WFDC2: variants seen among roughly 807,000 people sequenced by gnomAD.
WFDC2 encodes the protein WAP four-disulfide core domain protein 2.
A neutral mutation model predicts 12.5 loss-of-function variants in WFDC2; 8 were observed. The ratio of observed to expected loss-of-function variants is 0.64; its 90% CI spans 0.37 to 1.15. WFDC2 has a LOEUF of 1.15. Among genes scored for constraint, WFDC2 ranks in the 50% most tolerant of loss-of-function variants. The pLI is 0.01. For missense variants in WFDC2, 166 were observed against 159.9 expected, an observed-to-expected ratio of 1.04 and a Z score of -0.21; for synonymous variants, 74 against 67.2, an observed-to-expected ratio of 1.10 and a Z score of -0.49.
intron 2 of WFDC2, among the ~76,000 whole-genome samples, chr20:45,472,277 C>A (rs1236983532): frequency 6.6e-6 from 1 of 152,158 alleles, no homozygotes; most frequent in Non-Finnish European, 1.5e-5. Flanking sequence ...TAATTCCCAA[C>A]CCCCCGACAG....
At position 45,470,203 on chromosome 20, in the gene WFDC2, G is replaced by A. The variant is rs551921908; in HGVS notation, c.80-186G>A. On this transcript the variant is annotated intron_variant, in intron 1 of 3. Coordinates refer to ENST00000372676, the MANE Select transcript of WFDC2 (RefSeq NM_006103.4). The surrounding 1 kb of genome is among the most constrained non-coding windows in gnomAD (Gnocchi z 5.4). ...TGAGGGCCCCGACGCCAAGGGTTAG[G>A]GAGCTCTCGTACTCCCAGGGGTCAG... 1.2e-4 allele frequency among the ~76,000 whole-genome samples: 19 copies of A among 152,232 alleles called. No individual in the cohort carries two copies. The highest frequency in any genetic ancestry group is 4.3e-4 in the African/African-American group (18 of 41,544).
At chr20:45,472,167 G>A (rs770926590) in intron 2 of WFDC2, among the ~76,000 whole-genome samples, 1 of 152,048 alleles carries the variant, frequency 6.6e-6, no homozygotes, top group Non-Finnish European at 1.5e-5. Context: ...CGTGCAGAAC[G>A]TGCAGGTTTG....
Position 45,470,280 on chromosome 20 carries a change from G to A in WFDC2, c.80-109G>A, listed in dbSNP as rs1991150183. On this transcript the variant is annotated intron_variant, in intron 1 of 3. Transcript: ENST00000372676. The surrounding 1 kb of genome is among the most constrained non-coding windows in gnomAD (Gnocchi z 5.4). ...TCTGGGGGCTGTAAGGGGACTCCTA[G>A]GGCCAGAGACTGAGAATTCCTTGGG... is the stretch of plus-strand genomic sequence containing the variant. 7.0e-7 allele frequency: 1 copy of A among 1,431,962 alleles called. No homozygotes were observed. Among genetic ancestry groups the A allele is most frequent in the African/African-American group, 1.4e-5 (1 of 70,176 alleles). The allele number at this position is 1,431,962 out of a possible 1,614,324, so 88.7% of individuals were successfully genotyped here.
chr20:45,480,285 G>A (rs534630585), intron 3 of WFDC2, among the ~76,000 whole-genome samples, 191 bp downstream of exon 3: 2 of 152,140 alleles, frequency 1.3e-5, no homozygotes, highest in Admixed American at 6.5e-5. Flanking sequence ...GCATTGGGGA[G>A]GCTGTCTCAG....
In WFDC2 at chr20:45,470,542, C is replaced by T. The variant is rs760683214; in HGVS notation, c.223+10C>T. 6.1e-5 allele frequency: 97 copies of T among 1,584,834 alleles called. 1 individual carries two copies. In the East Asian group the frequency reaches 2.1e-3, roughly 35 times the overall value. On this transcript the variant is annotated intron_variant, in intron 2 of 3. Transcript: ENST00000372676. The surrounding 1 kb of genome is among the most constrained non-coding windows in gnomAD (Gnocchi z 5.4). ...TGCTCTCTGCCCAATGGTAACCCCACGGCGGCCGAGCGGGAACGGGGCGGG... is the reference window on the plus strand; with the variant it reads ...TGCTCTCTGCCCAATGGTAACCCCATGGCGGCCGAGCGGGAACGGGGCGGG...
intron 2 of WFDC2, among the ~76,000 whole-genome samples, chr20:45,477,878 G>C (rs1461570360): frequency 6.6e-6 from 1 of 152,230 alleles, no homozygotes; most frequent in Non-Finnish European, 1.5e-5. Context: ...GGAATCTAGA[G>C]AGGCAGTCTG....
chr20:45,470,009 G>A lies in WFDC2; in HGVS notation c.79+149G>A, dbSNP rs559914507. On this transcript the variant is annotated intron_variant, in intron 1 of 3. Transcript: ENST00000372676. The surrounding 1 kb of genome is among the most constrained non-coding windows in gnomAD (Gnocchi z 5.4). ...GGGACCCTTGGAGCCTAGGGTGTGG[G>A]GTCCAATGTGCTGGAGGTGGAGAGA... 5 of 995,916 alleles carry A rather than the reference G, an allele frequency of 5.0e-6. No homozygotes were observed. In the South Asian group the frequency reaches 6.6e-5, roughly 13 times the overall value. 61.7% of individuals were successfully genotyped at this position (995,916 alleles called of 1,614,324 possible).
At chr20:45,479,649 C>A in intron 2 of WFDC2, 1 of 1,606,262 alleles carries the variant, frequency 6.2e-7, no homozygotes, top group African/African-American at 1.3e-5. Context: ...TAGCACTGTT[C>A]CACTGGCACC....
intron 1 of WFDC2, 46 bp downstream of exon 1, chr20:45,469,906 C>G: frequency 6.4e-7 from 1 of 1,569,276 alleles, no homozygotes; most frequent in Non-Finnish European, 8.6e-7. Flanking sequence ...GGCCGAGCCA[C>G]GAGCGCCAGG....
chr20:45,470,995 T>A lies in WFDC2; in HGVS notation c.223+463T>A, dbSNP rs1991164972. Among the ~76,000 whole-genome samples the A allele has an allele frequency of 6.6e-6, 1 of 152,150 alleles. No individual in the cohort carries two copies. Among genetic ancestry groups the A allele is most frequent in the African/African-American group, 2.4e-5 (1 of 41,438 alleles). On this transcript the variant is annotated intron_variant, in intron 2 of 3. Coordinates refer to ENST00000372676, the MANE Select transcript of WFDC2 (RefSeq NM_006103.4). The surrounding 1 kb of genome is among the most constrained non-coding windows in gnomAD (Gnocchi z 5.4). ...GGCAAGATTTTCCCCAATTCCTCTGTCCAGGCGGAAAGGAACTTTACAGAT... is the reference window on the plus strand; with the variant it reads ...GGCAAGATTTTCCCCAATTCCTCTGACCAGGCGGAAAGGAACTTTACAGAT...
intron 2 of WFDC2, among the ~76,000 whole-genome samples, chr20:45,473,377 G>A (rs1991196170): frequency 6.6e-6 from 1 of 152,090 alleles, no homozygotes; most frequent in Non-Finnish European, 1.5e-5. Flanking sequence ...AAGGAAAGGG[G>A]TCCAGTTTCA....
Position 45,479,017 on chromosome 20 carries a change from G to A in WFDC2, c.224-925G>A, listed in dbSNP as rs553213971. On this transcript the variant is annotated intron_variant, in intron 2 of 3. Coordinates refer to ENST00000372676, the MANE Select transcript of WFDC2 (RefSeq NM_006103.4). ...GCAGCTTTATTTATAATTGCCAAAA[G>A]TTGGAAGCAACCATGATGTACCTCA... 3.3e-5 allele frequency among the ~76,000 whole-genome samples: 5 copies of A among 152,332 alleles called. No individual in the cohort carries two copies. The South Asian group carries it at 6.2e-4, about 19-fold the overall frequency.
intron 2 of WFDC2, among the ~76,000 whole-genome samples, chr20:45,474,230 T>G (rs888414900): frequency 2.0e-5 from 3 of 152,180 alleles, no homozygotes; most frequent in Admixed American, 2.0e-4. Context: ...ATAGGGGTGG[T>G]GAGAGAGAGC....
At chr20:45,477,561 G>T (rs929576560) in intron 2 of WFDC2, among the ~76,000 whole-genome samples, 2 of 152,308 alleles carry the variant, frequency 1.3e-5, no homozygotes, top group South Asian at 4.1e-4. Flanking sequence ...GTCCCAGAGG[G>T]GCACCCGCCA....
chr20:45,479,712 T>C (rs2145507367), intron 2 of WFDC2: 2 of 1,614,062 alleles, frequency 1.2e-6, no homozygotes, highest in Non-Finnish European at 8.5e-7. Context: ...GAAGGCCCAC[T>C]TGGGACTCAA....
chr20:45,469,904 C>T (rs981507624), intron 1 of WFDC2, 44 bp downstream of exon 1: 1 of 1,569,928 alleles, frequency 6.4e-7, no homozygotes, highest in Non-Finnish European at 8.6e-7. Context: ...GGGGCCGAGC[C>T]ACGAGCGCCA....
Position 45,479,934 on chromosome 20 carries a change from C to T in WFDC2, c.224-8C>T. 1 of 1,614,082 alleles carries T rather than the reference C, an allele frequency of 6.2e-7. No individual in the cohort carries two copies. The highest frequency in any genetic ancestry group is 1.3e-5 in the African/African-American group (1 of 74,916). Reference sequence around the variant, plus strand: ...TGCCCACTTACCCTTACTCCTTTTTCTACCCAGATAAGGAGGGTTCCTGCC... The same window carrying T: ...TGCCCACTTACCCTTACTCCTTTTTTTACCCAGATAAGGAGGGTTCCTGCC... On this transcript the variant is annotated splice_region_variant and splice_polypyrimidine_tract_variant and intron_variant, in intron 2 of 3. Coordinates refer to ENST00000372676, the MANE Select transcript of WFDC2 (RefSeq NM_006103.4).
At position 45,470,475 on chromosome 20, in the gene WFDC2, GC is replaced by G; in HGVS notation, c.168del (p.Asp57ThrfsTer27). 3 of 1,597,264 alleles carry G rather than the reference GC, an allele frequency of 1.9e-6. No individual in the cohort carries two copies. The highest frequency in any genetic ancestry group is 2.6e-6 in the Non-Finnish European group (3 of 1,171,488). On this transcript the variant is annotated frameshift_variant, in exon 2 of 4. Coordinates refer to ENST00000372676, the MANE Select transcript of WFDC2 (RefSeq NM_006103.4). LOFTEE classifies it high-confidence loss of function. The surrounding 1 kb of genome is among the most constrained non-coding windows in gnomAD (Gnocchi z 5.4). The stretch of plus-strand genomic sequence containing the variant: ...AGAGTGCGTCTCGGACAGCGAATGC[GC>G]CGACAACCTCAAGTGCTGCAGCGCG... ...TQECVSDSEC[A>X]DNLKCCSAGC...
chr20:45,479,283 C>T (rs1259242607), intron 2 of WFDC2, among the ~76,000 whole-genome samples: 1 of 152,206 alleles, frequency 6.6e-6, no homozygotes, highest in Non-Finnish European at 1.5e-5. Flanking sequence ...TAAGTGGCAG[C>T]ATAGTGCTTA....
Sources: gnomAD v4.1 joint callset for allele counts (sites outside exome capture counted in the v4.1 genomes callset) on GRCh38, gnomAD v4.1.1 for gene constraint, Gnocchi (gnomAD v3.1) non-coding constraint, MANE v1.5 for transcripts, NCBI Gene and HGNC (gene_info 2026-07-23, HGNC 2026-07-21) for gene names.